The following LPA variants were observed in gnomAD, a reference collection of about 807,000 sequenced individuals.
LPA encodes apolipoprotein(a).
Under a neutral mutation model 197.9 loss-of-function variants are expected in LPA, and 199 were observed. The observed-to-expected ratio is 1.01, with a 90% CI of 0.90 to 1.13. The LOEUF (loss-of-function observed/expected upper bound fraction) is 1.13. LPA is among the 50% of genes most tolerant of loss of function. The pLI is 0.00. For missense variants in LPA, 1,853 were observed against 1,785.8 expected (o/e 1.04, Z -0.68); for synonymous variants, 715 against 639.5 (o/e 1.12, Z -1.78).
chr6:160,609,225 G>T (rs1287440269), intron 16 of LPA, among the ~76,000 whole-genome samples: 2 of 151,958 alleles, frequency 1.3e-5, no homozygotes, highest in Admixed American at 6.6e-5. Context: ...ACACTTTCCA[G>T]TTTCTTTGTT....
intron 2 of LPA, 53 bp downstream of exon 2, chr6:160,650,285 A>G: frequency 2.1e-5 from 34 of 1,596,854 alleles, no homozygotes; most frequent in Non-Finnish European, 2.9e-5. Flanking sequence ...CACCTTTTCT[A>G]AGACAAATTT....
At position 160,654,739 on chromosome 6, in the gene LPA, T is replaced by A. The variant is rs183147064; in HGVS notation, c.50-4242A>T. 7.9e-5 allele frequency among the ~76,000 whole-genome samples: 12 copies of A among 152,248 alleles called. No homozygotes were observed. The East Asian group carries it at 2.3e-3, about 29-fold the overall frequency. Reference sequence around the variant, plus strand: ...TAAATGCTGATGTGAAGTCCATAAATCTAAGGTCACATGATAAAGGAAAAA... The same window carrying A: ...TAAATGCTGATGTGAAGTCCATAAAACTAAGGTCACATGATAAAGGAAAAA... On this transcript the variant is annotated intron_variant, in intron 1 of 38. Coordinates refer to ENST00000316300, the MANE Select transcript of LPA (RefSeq NM_005577.4).
At chr6:160,571,999 G>A (rs759917487) in intron 28 of LPA, among the ~76,000 whole-genome samples, 1 of 152,348 alleles carries the variant, frequency 6.6e-6, no homozygotes, top group South Asian at 2.1e-4. Flanking sequence ...CAGGGCCCTG[G>A]TGGTGTAGGC....
At chr6:160,592,108 C>G (rs1779041366) in intron 22 of LPA, among the ~76,000 whole-genome samples, 1 of 152,188 alleles carries the variant, frequency 6.6e-6, no homozygotes, top group Non-Finnish European at 1.5e-5. Flanking sequence ...AGTATAACTT[C>G]TGTCACATTA....
At chr6:160,570,397 A>G (rs1212193038) in intron 28 of LPA, among the ~76,000 whole-genome samples, 1 of 152,208 alleles carries the variant, frequency 6.6e-6, no homozygotes, top group Non-Finnish European at 1.5e-5. Flanking sequence ...AGAAATCCAA[A>G]CACCGAATGT....
chr6:160,585,743 A>T (rs938226928), intron 25 of LPA, among the ~76,000 whole-genome samples: 5 of 152,136 alleles, frequency 3.3e-5, no homozygotes, highest in Non-Finnish European at 5.9e-5. Context: ...AGTACAGGCC[A>T]AAATTTTATA....
intron 30 of LPA, among the ~76,000 whole-genome samples, chr6:160,552,274 C>T (rs997536742): frequency 5.3e-5 from 8 of 152,014 alleles, no homozygotes; most frequent in Admixed American, 5.2e-4. Context: ...ATAAGTCCTC[C>T]AATTTTTTTT....
At chr6:160,607,060 G>A (rs563793579) in intron 16 of LPA, among the ~76,000 whole-genome samples, 3 of 151,994 alleles carry the variant, frequency 2.0e-5, no homozygotes, top group Non-Finnish European at 4.4e-5. Flanking sequence ...CTAGTTCTCC[G>A]TATCTCTCTC....
intron 26 of LPA, among the ~76,000 whole-genome samples, chr6:160,584,275 CTT>C (rs1309711911): frequency 1.4e-5 from 2 of 148,002 alleles, no homozygotes; most frequent in African/African-American, 5.0e-5. Context: ...TCTTCCTCTT[CTT>C]CTTCTTCTTC....
chr6:160,554,411 T>C (rs534365037), intron 30 of LPA, among the ~76,000 whole-genome samples: 10 of 152,212 alleles, frequency 6.6e-5, no homozygotes, highest in Non-Finnish European at 1.0e-4. Context: ...GGTTGAGTTT[T>C]CTTCTGTCAG....
Position 160,537,116 on chromosome 6 carries a change from A to C in LPA, c.5842+739T>G, listed in dbSNP as rs192147486. Among the ~76,000 whole-genome samples, 139 of 152,330 alleles carry C rather than the reference A, an allele frequency of 9.1e-4. 1 individual carries two copies. The highest frequency in any genetic ancestry group is 1.6e-3 in the Non-Finnish European group (110 of 68,032). ...GAAAGTAGAGCTGAGACTTTAAGAC[A>C]GTTTCAGTTTTCCTACTGCCAAGGG... On this transcript the variant is annotated intron_variant, in intron 37 of 38. Coordinates refer to ENST00000316300, the MANE Select transcript of LPA (RefSeq NM_005577.4).
At chr6:160,601,347 T>G (rs1300260401) in intron 18 of LPA, among the ~76,000 whole-genome samples, 1 of 152,170 alleles carries the variant, frequency 6.6e-6, no homozygotes, top group African/African-American at 2.4e-5. Context: ...AACACTGAGA[T>G]TATACATACA....
chr6:160,591,197 G>A, intron 22 of LPA, 96 bp from the exon 23 acceptor site: 2 of 1,496,118 alleles, frequency 1.3e-6, no homozygotes, highest in South Asian at 1.2e-5. Flanking sequence ...GTGGTAAAAA[G>A]TGACTTTGAA....
intron 26 of LPA, among the ~76,000 whole-genome samples, chr6:160,583,029 T>A (rs1778829925): frequency 6.6e-6 from 1 of 152,104 alleles, no homozygotes; most frequent in Admixed American, 6.6e-5. Flanking sequence ...TGACTCTCCA[T>A]TTGGTCCTTT....
intron 31 of LPA, 40 bp from the exon 32 acceptor site, chr6:160,547,977 A>T (rs1489170617): frequency 6.2e-7 from 1 of 1,606,056 alleles, no homozygotes; most frequent in Non-Finnish European, 8.5e-7. Flanking sequence ...GATTACAGAC[A>T]GCCAGGCAGC....
chr6:160,583,853 A>G (rs1778845506), intron 26 of LPA, among the ~76,000 whole-genome samples: 1 of 152,190 alleles, frequency 6.6e-6, no homozygotes, highest in African/African-American at 2.4e-5. Flanking sequence ...TAGGAAGGGT[A>G]ATTATGGGGT....
chr6:160,648,012 A>C (rs1779932896), intron 2 of LPA, among the ~76,000 whole-genome samples: 1 of 152,168 alleles, frequency 6.6e-6, no homozygotes, highest in Non-Finnish European at 1.5e-5. Flanking sequence ...TGCTGATTCC[A>C]AAGTCTTACA....
rs374323384 is a variant in LPA, at chr6:160,608,618, T to A, written c.2604-1960A>T. Among the ~76,000 whole-genome samples, 24 of 152,270 alleles carry A rather than the reference T, an allele frequency of 1.6e-4. 1 individual carries two copies. The highest frequency in any genetic ancestry group is 5.5e-4 in the African/African-American group (23 of 41,530). On this transcript the variant is annotated intron_variant, in intron 16 of 38. Transcript: ENST00000316300. ...TTTTCGAAACGCCTATTTGATGCATTGAATTTCGTGTTTTTGCGATTTTGT... is the reference window on the plus strand; with the variant it reads ...TTTTCGAAACGCCTATTTGATGCATAGAATTTCGTGTTTTTGCGATTTTGT...
intron 19 of LPA, among the ~76,000 whole-genome samples, chr6:160,600,624 C>T (rs41270990): frequency 1.3e-5 from 2 of 152,280 alleles, no homozygotes; most frequent in Admixed American, 6.5e-5. Context: ...CAGCATATTA[C>T]AATAAGAATT....
Sources: allele counts gnomAD v4.1 joint callset (sites outside exome capture counted in the v4.1 genomes callset), GRCh38; gene constraint gnomAD v4.1.1; transcripts MANE v1.5; gene names NCBI Gene and HGNC (gene_info 2026-07-23, HGNC 2026-07-21).